Variants in ERBB3 observed in about 807,000 individuals in gnomAD.
ERBB3 encodes the protein receptor tyrosine-protein kinase erbB-3.
A neutral mutation model predicts 156.7 loss-of-function variants in ERBB3; 96 were observed. That is an observed-to-expected ratio of 0.61 (90% CI 0.52 to 0.73). The LOEUF is 0.73. Ranked by LOEUF, ERBB3 falls within the 30% of genes least tolerant of loss-of-function variation. The pLI, the probability that ERBB3 is intolerant of heterozygous loss-of-function variation, is 0.00. For synonymous variants in ERBB3, 567 were observed against 632.0 expected (o/e 0.90, Z 1.54); for missense variants, 1,406 against 1,709.4 (o/e 0.82, Z 3.13).
At position 56,095,765 on chromosome 12, in the gene ERBB3, C is replaced by A. The variant is rs1186294515; in HGVS notation, c.2014C>A (p.Gln672Lys). Reference protein sequence around the residue: ...TFLYWRGRRIQNKRAMRRYLE... With the variant: ...TFLYWRGRRIKNKRAMRRYLE... ...TCTCTACTGGCGTGGGCGCCGGATTCAGAATAAAAGGGCTATGAGGCGATA... is the reference window on the plus strand; with the variant it reads ...TCTCTACTGGCGTGGGCGCCGGATTAAGAATAAAAGGGCTATGAGGCGATA... Residue 672 changes from glutamine to lysine, a missense_variant, in exon 17 of 28, where the codon CAG becomes AAG. This residue lies in a region of ERBB3 where 979 missense variants were observed against 1,219.6 expected (regional missense o/e 0.80). Coordinates refer to ENST00000267101, the MANE Select transcript of ERBB3 (RefSeq NM_001982.4). 6.2e-7 allele frequency: 1 copy of A among 1,614,044 alleles called. No individual in the cohort carries two copies. The highest frequency in any genetic ancestry group is 8.5e-7 in the Non-Finnish European group (1 of 1,180,032).
rs56926853 is a variant in ERBB3 at position 56,086,063 on chromosome 12, CAAAAAAA to C, written c.422-451_422-445del. 1.9e-4 allele frequency among the ~76,000 whole-genome samples: 17 copies of C among 89,392 alleles called. No individual in the cohort carries two copies. In the East Asian group the frequency reaches 5.0e-3, roughly 26 times the overall value. The allele number at this position is 89,392 out of a possible 152,430, so 58.6% of individuals were successfully genotyped here. A position where few individuals can be genotyped will look rare whatever the true frequency, so the allele number is the denominator to read the frequency against. ...CAGCCTGGGCGACAGAGCGAGACTC[CAAAAAAA>C]AAAAAAAAAAAAAAAACCAAAGTAC... On this transcript the variant is annotated intron_variant, in intron 3 of 27. Coordinates refer to ENST00000267101, the MANE Select transcript of ERBB3 (RefSeq NM_001982.4).
At position 56,097,681 on chromosome 12, in the gene ERBB3, T is replaced by C. The variant is rs1868934164; in HGVS notation, c.2461-104T>C. ...AACCAGTCCCTGGTGCCAAAAAAGG[T>C]TGGGGACCACTGCTGAGAGGTACCT... On this transcript the variant is annotated intron_variant, in intron 20 of 27. Transcript: ENST00000267101. The C allele has an allele frequency of 3.3e-6, 4 of 1,216,762 alleles. No individual in the cohort carries two copies. In the South Asian group the frequency reaches 3.6e-5, roughly 11 times the overall value. The allele number at this position is 1,216,762 out of a possible 1,614,324, so 75.4% of individuals were successfully genotyped here.
At position 56,102,217 on chromosome 12, in the gene ERBB3, A is replaced by C; in HGVS notation, c.*162A>C. On this transcript the variant is annotated 3_prime_UTR_variant, in exon 28 of 28. Transcript: ENST00000267101. ...GGAGGCTTTTAAACATTTTGACACA[A>C]AATTCTTATGGTATGTAGCCAGCTG... 1 of 687,908 alleles carries C rather than the reference A, an allele frequency of 1.5e-6. No individual in the cohort carries two copies. The highest frequency in any genetic ancestry group is 2.6e-5 in the Admixed American group (1 of 37,854). 42.6% of individuals were successfully genotyped at this position (687,908 alleles called of 1,614,324 possible). A position where few individuals can be genotyped will look rare whatever the true frequency, so the allele number is the denominator to read the frequency against.
chr12:56,101,435 T>C, intron 27 of ERBB3, 74 bp downstream of exon 27: 2 of 1,595,238 alleles, frequency 1.3e-6, no homozygotes, highest in Non-Finnish European at 1.7e-6. Context: ...TTTTCTTCTC[T>C]GATCATATGC....
chr12:56,096,108 C>T (rs1211411998), intron 17 of ERBB3: 1 of 523,800 alleles, frequency 1.9e-6, no homozygotes, highest in Non-Finnish European at 3.4e-6. Context: ...TGCATCTATA[C>T]AGAGGAAATA....
intron 3 of ERBB3, among the ~76,000 whole-genome samples, chr12:56,085,865 C>A (rs1334075322): frequency 1.3e-5 from 2 of 150,990 alleles, no homozygotes; most frequent in African/African-American, 4.9e-5. Context: ...GTCAGGAGAT[C>A]GAGACCATCC....
chr12:56,094,886 G>A (rs1266909779), intron 15 of ERBB3, among the ~76,000 whole-genome samples: 1 of 152,082 alleles, frequency 6.6e-6, no homozygotes, highest in African/African-American at 2.4e-5. Flanking sequence ...AGGAGGCAGA[G>A]GTTGCGGTGA....
intron 23 of ERBB3, 80 bp from the exon 24 acceptor site, chr12:56,099,568 G>C: frequency 5.7e-6 from 7 of 1,226,842 alleles, no homozygotes; most frequent in Admixed American, 5.0e-5. Context: ...CAAAGTGCTG[G>C]GATTATAGGT....
intron 4 of ERBB3, 104 bp from the exon 5 acceptor site, chr12:56,087,473 C>A: frequency 9.9e-7 from 1 of 1,014,442 alleles, no homozygotes; most frequent in Non-Finnish European, 1.6e-6. Flanking sequence ...TGGCTTTTTG[C>A]TTCCCGGGAT....
chr12:56,089,992 A>G (rs1377040040), intron 9 of ERBB3, among the ~76,000 whole-genome samples: 2 of 145,490 alleles, frequency 1.4e-5, no homozygotes, highest in African/African-American at 2.6e-5. Flanking sequence ...TTCCCCATAT[A>G]CTTTTTTTTT....
chr12:56,101,003 C>G, intron 26 of ERBB3, 58 bp from the exon 27 acceptor site: 10 of 850,954 alleles, frequency 1.2e-5, no homozygotes, highest in Non-Finnish European at 1.8e-5. Context: ...ACAAATCTCT[C>G]TTCTTTCCTC....
chr12:56,092,073 TGA>T (rs1868729730), intron 9 of ERBB3, among the ~76,000 whole-genome samples: 1 of 133,758 alleles, frequency 7.5e-6, no homozygotes, highest in Non-Finnish European at 1.6e-5. Context: ...CACAACAGAG[TGA>T]GACCCTGTCT....
At chr12:56,085,322 G>T (rs534803783) in intron 3 of ERBB3, 141 bp downstream of exon 3, 1 of 1,536,646 alleles carries the variant, frequency 6.5e-7, no homozygotes, top group South Asian at 1.2e-5. Context: ...AAGGTCCATT[G>T]CTCCCTAAGC....
At chr12:56,083,649 T>C (rs1868385911) in intron 1 of ERBB3, 102 bp from the exon 2 acceptor site, 1 of 1,321,316 alleles carries the variant, frequency 7.6e-7, no homozygotes, top group Non-Finnish European at 1.1e-6. Flanking sequence ...TCCTGTCTAA[T>C]GTAACTGGAA....
chr12:56,092,945 A>G, intron 10 of ERBB3, 41 bp from the exon 11 acceptor site: 2 of 1,580,190 alleles, frequency 1.3e-6, no homozygotes, highest in Non-Finnish European at 1.7e-6. Flanking sequence ...CCCAAGAAAG[A>G]AGAAGGCTCC....
intron 2 of ERBB3, 62 bp from the exon 3 acceptor site, chr12:56,084,933 G>T: frequency 6.2e-7 from 1 of 1,611,452 alleles, no homozygotes. Context: ...TGAAGGAGGA[G>T]AGGAGATTGA....
In ERBB3 at chr12:56,092,749, AC is replaced by A; in HGVS notation, c.1116del (p.Trp373GlyfsTer25). 1 of 1,613,252 alleles carries A rather than the reference AC, an allele frequency of 6.2e-7. No individual in the cohort carries two copies. The highest frequency in any genetic ancestry group is 1.1e-5 in the South Asian group (1 of 91,058). Reference protein sequence around the residue: ...LDFLITGLNGDPWHKIPALDP... With the variant: ...LDFLITGLNGXPWHKIPALDP... Reference sequence around the variant, plus strand: ...CTGGTTTCTACTGTTCTATTCAGAGACCCCTGGCACAAGATCCCTGCCCTGG... The same window carrying A: ...CTGGTTTCTACTGTTCTATTCAGAGACCCTGGCACAAGATCCCTGCCCTGG... On this transcript the variant is annotated frameshift_variant, in exon 10 of 28. Transcript: ENST00000267101. LOFTEE classifies it high-confidence loss of function.
chr12:56,099,240 G>C (rs1476337466), intron 23 of ERBB3, among the ~76,000 whole-genome samples: 1 of 151,480 alleles, frequency 6.6e-6, no homozygotes, highest in Non-Finnish European at 1.5e-5. Context: ...ACAGGTGTGA[G>C]CCATCATGCT....
chr12:56,096,780 G>T lies in ERBB3; in HGVS notation c.2208G>T (p.Lys736Asn), dbSNP rs1282110952. The T allele has an allele frequency of 6.2e-7, 1 of 1,613,974 alleles. No individual in the cohort carries two copies. The highest frequency in any genetic ancestry group is 1.1e-5 in the South Asian group (1 of 91,066). ...GGATCCCTGAGGGTGAATCAATCAA[G>T]ATTCCAGTCTGCATTAAAGTCATTG... Reference protein sequence around the residue: ...GVWIPEGESIKIPVCIKVIED... With the variant: ...GVWIPEGESINIPVCIKVIED... Residue 736 changes from lysine (K) to asparagine (N), a missense_variant, in exon 19 of 28, where the codon AAG becomes AAT. Physicochemically the swap from Lys to Asn is moderately conservative, Grantham distance 94. Around this residue, in one of 3 missense-constraint regions of ERBB3, gnomAD observed 979 missense variants for 1,219.6 expected, o/e 0.80. Coordinates refer to ENST00000267101, the MANE Select transcript of ERBB3 (RefSeq NM_001982.4).
Sources: allele counts gnomAD v4.1 joint callset (sites outside exome capture counted in the v4.1 genomes callset), GRCh38; gene constraint gnomAD v4.1.1; regional missense constraint gnomAD v4.1.1; transcripts MANE v1.5; gene names NCBI Gene and HGNC (gene_info 2026-07-23, HGNC 2026-07-21).